The following NHEJ1 variants were observed in gnomAD, a reference collection of about 807,000 sequenced individuals.
NHEJ1 encodes the protein non-homologous end joining factor 1, also known as non-homologous end-joining factor 1.
NHEJ1 carries 22 observed loss-of-function variants against 39.4 expected under a neutral mutation model. The observed-to-expected ratio is 0.56, with a 90% confidence interval of 0.40 to 0.80. The LOEUF is 0.80. Ranked by LOEUF, NHEJ1 falls within the 30% of genes least tolerant of loss-of-function variation. NHEJ1 has a pLI of 0.00. For missense variants in NHEJ1, 329 were observed against 357.1 expected, an observed-to-expected ratio of 0.92 and a Z score of 0.63; for synonymous variants, 154 against 135.6, an observed-to-expected ratio of 1.14 and a Z score of -0.94.
chr2:219,076,162 G>T lies in NHEJ1; in HGVS notation c.*219C>A, dbSNP rs1949011311. 1 of 1,013,014 alleles carries T rather than the reference G, an allele frequency of 9.9e-7. No homozygotes were observed. The highest frequency in any genetic ancestry group is 1.6e-5 in the African/African-American group (1 of 61,700). 62.8% of individuals were successfully genotyped at this position (1,013,014 alleles called of 1,614,324 possible). ...TGAACCTACAGAACCTCCACCAAAAGAGAGGAGAGCACGGGATTCTCAGAG... is the reference window on the plus strand; with the variant it reads ...TGAACCTACAGAACCTCCACCAAAATAGAGGAGAGCACGGGATTCTCAGAG... On this transcript the variant is annotated 3_prime_UTR_variant, in exon 8 of 8. Transcript: ENST00000356853.
At chr2:219,123,943 A>T (rs1488422070) in intron 5 of NHEJ1, among the ~76,000 whole-genome samples, 1 of 152,266 alleles carries the variant, frequency 6.6e-6, no homozygotes, top group Non-Finnish European at 1.5e-5. Context: ...TATTAGTGCC[A>T]TATAATAAAG....
At chr2:219,076,571 T>C in intron 7 of NHEJ1, 116 bp from the exon 8 acceptor site, 1 of 949,850 alleles carries the variant, frequency 1.1e-6, no homozygotes. Flanking sequence ...TTTTTTTTTT[T>C]TTTTTTTTTC....
intron 5 of NHEJ1, among the ~76,000 whole-genome samples, chr2:219,087,014 C>T (rs1949117819): frequency 1.3e-5 from 2 of 152,012 alleles, no homozygotes; most frequent in African/African-American, 2.4e-5. Flanking sequence ...CAAGTGGTTT[C>T]CTGGGGGGGA....
At chr2:219,118,839 C>A (rs1370077291) in intron 5 of NHEJ1, among the ~76,000 whole-genome samples, 1 of 152,130 alleles carries the variant, frequency 6.6e-6, no homozygotes, top group East Asian at 1.9e-4. Context: ...GCGTCAGAGA[C>A]AATGCTGGAA....
rs1949360902 is a variant in NHEJ1 at position 219,111,019 on chromosome 2, A to G, written c.589-32813T>C. Among the ~76,000 whole-genome samples the G allele has an allele frequency of 6.6e-6, 1 of 152,200 alleles. No individual in the cohort carries two copies. Among genetic ancestry groups the G allele is most frequent in the Non-Finnish European group, 1.5e-5 (1 of 68,040 alleles). On this transcript the variant is annotated intron_variant, in intron 5 of 7. Transcript: ENST00000356853. The surrounding 1 kb of genome is among the most constrained non-coding windows in gnomAD (Gnocchi z 4.1). ...GGGTAGATAAGATGAGCTTAGTTTT[A>G]AAGTATTTCTCTTTACTGAAACAGC...
chr2:219,141,433 T>A (rs751276807), intron 5 of NHEJ1, among the ~76,000 whole-genome samples: 12 of 150,474 alleles, frequency 8.0e-5, no homozygotes, highest in Non-Finnish European at 1.5e-4. Flanking sequence ...AATGGCTAAT[T>A]TCAGACAACG....
chr2:219,104,672 G>T (rs1470828403), intron 5 of NHEJ1, among the ~76,000 whole-genome samples: 1 of 151,982 alleles, frequency 6.6e-6, no homozygotes, highest in East Asian at 1.9e-4. Context: ...AATCAATGCT[G>T]GAAACTTCGC....
At chr2:219,101,720 CTTTT>C (rs771681183) in intron 5 of NHEJ1, among the ~76,000 whole-genome samples, 1 of 125,688 alleles carries the variant, frequency 8.0e-6, no homozygotes, top group Non-Finnish European at 1.7e-5. Context: ...CTACCTCATT[CTTTT>C]TTTTTTTTTT....
At chr2:219,085,713 C>T (rs1416587424) in intron 5 of NHEJ1, among the ~76,000 whole-genome samples, 2 of 152,096 alleles carry the variant, frequency 1.3e-5, no homozygotes, top group Admixed American at 1.3e-4. Flanking sequence ...TCATAGTCAA[C>T]TCACCCCCAC....
intron 1 of NHEJ1, among the ~76,000 whole-genome samples, chr2:219,160,208 T>A (rs1213163673): frequency 6.6e-6 from 1 of 152,184 alleles, no homozygotes; most frequent in Non-Finnish European, 1.5e-5. Context: ...AGTCCGCTCC[T>A]CAGCAGTGAC....
intron 5 of NHEJ1, among the ~76,000 whole-genome samples, chr2:219,089,315 G>A (rs1204427742): frequency 6.6e-6 from 1 of 152,082 alleles, no homozygotes. Context: ...ATTCATAAGA[G>A]CCAAAAAGTA....
At chr2:219,120,643 T>C (rs1949462818) in intron 5 of NHEJ1, among the ~76,000 whole-genome samples, 1 of 152,192 alleles carries the variant, frequency 6.6e-6, no homozygotes, top group African/African-American at 2.4e-5. Flanking sequence ...AGAGGCGATA[T>C]TTATTCAATA....
chr2:219,140,404 G>A (rs1196246089), intron 5 of NHEJ1, among the ~76,000 whole-genome samples: 1 of 152,256 alleles, frequency 6.6e-6, no homozygotes, highest in Non-Finnish European at 1.5e-5. Flanking sequence ...AATAGGCCAG[G>A]AGGGGGTAGG....
At chr2:219,120,904 T>C (rs1052326254) in intron 5 of NHEJ1, among the ~76,000 whole-genome samples, 2 of 152,148 alleles carry the variant, frequency 1.3e-5, no homozygotes, top group Non-Finnish European at 2.9e-5. Context: ...GTAAAGAATC[T>C]TAAAGAAACA....
chr2:219,077,100 G>GAC, intron 7 of NHEJ1, 146 bp downstream of exon 7: 3 of 706,528 alleles, frequency 4.2e-6, no homozygotes, highest in Admixed American at 4.0e-5. Flanking sequence ...TCTCCATCTA[G>GAC]ACACCTACAA....
intron 5 of NHEJ1, among the ~76,000 whole-genome samples, chr2:219,089,529 A>C (rs1237305641): frequency 6.6e-6 from 1 of 152,258 alleles, no homozygotes; most frequent in Non-Finnish European, 1.5e-5. Flanking sequence ...AAATATGCTG[A>C]ATAGGCAAAT....
At chr2:219,137,566 C>A (rs866873920) in intron 5 of NHEJ1, among the ~76,000 whole-genome samples, 26 of 11,984 alleles carry the variant, frequency 2.2e-3, no homozygotes, top group South Asian at 0.012. Context: ...AAATGTGTTA[C>A]AGGCAAAAAA....
intron 5 of NHEJ1, among the ~76,000 whole-genome samples, chr2:219,127,591 C>T (rs1949537500): frequency 6.6e-6 from 1 of 152,206 alleles, no homozygotes; most frequent in Admixed American, 6.5e-5. Flanking sequence ...CCAATATTTA[C>T]TTTTCTCCTC....
At chr2:219,093,717 G>A (rs1949181663) in intron 5 of NHEJ1, among the ~76,000 whole-genome samples, 1 of 152,146 alleles carries the variant, frequency 6.6e-6, no homozygotes, top group Non-Finnish European at 1.5e-5. Flanking sequence ...AAATGCAGTT[G>A]AATAGTGGGT....
Sources: allele counts gnomAD v4.1 joint callset (sites outside exome capture counted in the v4.1 genomes callset), GRCh38; gene constraint gnomAD v4.1.1; non-coding constraint Gnocchi (gnomAD v3.1); transcripts MANE v1.5; gene names NCBI Gene and HGNC (gene_info 2026-07-23, HGNC 2026-07-21).